Variants in DOCK1 observed in about 807,000 individuals in gnomAD.
DOCK1 encodes dedicator of cytokinesis 1.
In DOCK1, 138 loss-of-function variants were observed where a neutral mutation model predicts 262.7. The ratio of observed to expected loss-of-function variants is 0.53; its 90% CI spans 0.46 to 0.61. The LOEUF (loss-of-function observed/expected upper bound fraction) is 0.61. Among genes scored for constraint, DOCK1 ranks in the 20% least tolerant of loss-of-function variants. The pLI is 0.00. For missense variants in DOCK1, 1,908 were observed against 2,370.7 expected (o/e 0.80, Z 4.05); for synonymous variants, 866 against 867.4 (o/e 1.00, Z 0.03).
intron 1 of DOCK1, among the ~76,000 whole-genome samples, chr10:126,941,814 T>C (rs1250748599): frequency 6.6e-6 from 1 of 152,052 alleles, no homozygotes; most frequent in Non-Finnish European, 1.5e-5. Flanking sequence ...ATTGTACCTG[T>C]CTGAGTAGTG....
intron 27 of DOCK1, among the ~76,000 whole-genome samples, chr10:127,203,139 G>A (rs987353673): frequency 6.6e-5 from 10 of 152,102 alleles, no homozygotes; most frequent in Non-Finnish European, 1.2e-4. Context: ...CGTTTTCTTC[G>A]TTGAATAACA....
At chr10:127,354,429 C>T (rs1260871145) in intron 31 of DOCK1, among the ~76,000 whole-genome samples, 1 of 152,194 alleles carries the variant, frequency 6.6e-6, no homozygotes, top group Non-Finnish European at 1.5e-5. Flanking sequence ...TCCACAAGTT[C>T]CTCCACGTTC....
chr10:127,145,117 C>A lies in DOCK1; in HGVS notation c.2847+17353C>A, dbSNP rs533921602. Among the ~76,000 whole-genome samples the A allele has an allele frequency of 2.0e-5, 3 of 152,282 alleles. No individual in the cohort carries two copies. The South Asian group carries it at 6.2e-4, about 32-fold the overall frequency. On this transcript the variant is annotated intron_variant, in intron 27 of 51. Coordinates refer to ENST00000623213, the MANE Select transcript of DOCK1 (RefSeq NM_001290223.2). ...AGCTCATCCTAGGTGCCCATCTTAC[C>A]TGTGGCACTCTCTGGAGTGCACCTG...
Position 127,343,547 on chromosome 10 carries a change from G to C in DOCK1, c.3124-99G>C, listed in dbSNP as rs1287539599. 8.2e-6 allele frequency: 8 copies of C among 974,172 alleles called. 1 individual carries two copies. The East Asian group carries it at 1.9e-4, about 23-fold the overall frequency. The allele number at this position is 974,172 out of a possible 1,614,324, so 60.3% of individuals were successfully genotyped here. On this transcript the variant is annotated intron_variant, in intron 30 of 51. Transcript: ENST00000623213. ...TGTGGGTTTTTTTTTTAACTTTTCA[G>C]AAGTGTGTGCTGAGCAAATGATAAA... is the stretch of plus-strand genomic sequence containing the variant.
At chr10:127,118,657 C>G (rs137855934) in intron 25 of DOCK1, among the ~76,000 whole-genome samples, 152 of 152,318 alleles carry the variant, frequency 1.0e-3, no homozygotes, top group Non-Finnish European at 1.8e-3. Context: ...CTTTTCATTT[C>G]AAATTCCATG....
At chr10:126,931,297 A>C (rs1278398324) in intron 1 of DOCK1, among the ~76,000 whole-genome samples, 2 of 152,058 alleles carry the variant, frequency 1.3e-5, no homozygotes, top group Non-Finnish European at 2.9e-5. Context: ...AATTAAAATG[A>C]ATACCATTCC....
At chr10:126,992,449 G>A (rs1252043078) in intron 6 of DOCK1, among the ~76,000 whole-genome samples, 1 of 152,168 alleles carries the variant, frequency 6.6e-6, no homozygotes, top group Non-Finnish European at 1.5e-5. Flanking sequence ...CCAAAGCCCA[G>A]CGCTCTGCAT....
chr10:127,391,981 C>T (rs913152190), intron 38 of DOCK1, among the ~76,000 whole-genome samples: 1 of 129,156 alleles, frequency 7.7e-6, no homozygotes, highest in Non-Finnish European at 1.7e-5. Context: ...GCATGAGGCC[C>T]CTTAGAGTAG....
rs2720975 is a variant in DOCK1 at position 127,319,795 on chromosome 10, A to G, written c.3045-19211A>G. Among the ~76,000 whole-genome samples, 799 of 152,208 alleles carry G rather than the reference A, an allele frequency of 5.2e-3. 7 individuals carry two copies. Among genetic ancestry groups the G allele is most frequent in the African/African-American group, 0.018 (765 of 41,518 alleles). Reference sequence around the variant, plus strand: ...GTGTCTGCTCGGCTCTGCCTTACTAATTGTGTTTAACCTGAGCTCTGCTAC... The same window carrying G: ...GTGTCTGCTCGGCTCTGCCTTACTAGTTGTGTTTAACCTGAGCTCTGCTAC... On this transcript the variant is annotated intron_variant, in intron 29 of 51. Coordinates refer to ENST00000623213, the MANE Select transcript of DOCK1 (RefSeq NM_001290223.2).
At chr10:127,389,370 C>T (rs4503444) in intron 38 of DOCK1, among the ~76,000 whole-genome samples, 46,338 of 152,042 alleles carry the variant, frequency 0.3, 7,446 homozygotes, top group Admixed American at 0.46. Flanking sequence ...ACAAAGGCCA[C>T]GGCTGAAGGT....
chr10:126,958,571 C>G (rs965698142), intron 1 of DOCK1, among the ~76,000 whole-genome samples: 1 of 152,040 alleles, frequency 6.6e-6, no homozygotes, highest in Non-Finnish European at 1.5e-5. Context: ...ATTCTGGAGC[C>G]GTTGGTGGGG....
chr10:127,361,835 C>T (rs577209402), intron 32 of DOCK1, among the ~76,000 whole-genome samples: 6 of 152,246 alleles, frequency 3.9e-5, no homozygotes, highest in East Asian at 3.9e-4. Context: ...GCTTATACCG[C>T]GCGGATCTTT....
At position 127,175,331 on chromosome 10, in the gene DOCK1, C is replaced by G; in HGVS notation, c.2847+47567C>G. The G allele has an allele frequency of 6.2e-7, 1 of 1,614,138 alleles. No homozygotes were observed. The highest frequency in any genetic ancestry group is 8.5e-7 in the Non-Finnish European group (1 of 1,180,030). The stretch of plus-strand genomic sequence containing the variant: ...TCTGAAGTTGTGCTTTGAGGTCGAC[C>G]ACTTCCGTATGAGGCACGATTCGTT... On this transcript the variant is annotated intron_variant, in intron 27 of 51. Transcript: ENST00000623213. The surrounding 1 kb of genome is among the most constrained non-coding windows in gnomAD (Gnocchi z 6.3).
chr10:126,989,130 A>G (rs773627875), intron 5 of DOCK1, among the ~76,000 whole-genome samples: 3 of 151,890 alleles, frequency 2.0e-5, no homozygotes, highest in Admixed American at 6.6e-5. Context: ...GCAAAATAGT[A>G]AGGATTTTAG....
intron 29 of DOCK1, among the ~76,000 whole-genome samples, chr10:127,321,291 C>T (rs2062513893): frequency 7.1e-6 from 1 of 141,470 alleles, no homozygotes; most frequent in Non-Finnish European, 1.5e-5. Context: ...CCTCCCCTCC[C>T]CTCTCCTCTC....
At chr10:126,943,370 T>G (rs2035163476) in intron 1 of DOCK1, among the ~76,000 whole-genome samples, 1 of 152,218 alleles carries the variant, frequency 6.6e-6, no homozygotes. Context: ...ACCAAACTGC[T>G]TGGGATCAGA....
chr10:127,029,242 C>T (rs1025342743), intron 16 of DOCK1, among the ~76,000 whole-genome samples: 1 of 152,190 alleles, frequency 6.6e-6, no homozygotes, highest in East Asian at 1.9e-4. Context: ...GCCTGGATGT[C>T]GGCCGCTGAC....
In DOCK1 at chr10:127,334,213, G is replaced by A. The variant is rs183168462; in HGVS notation, c.3045-4793G>A. ...TGAACAACGTTCCGAAGGTCAGGTAGCTCCACGTTTAAATGGACATGAAGC... is the reference window on the plus strand; with the variant it reads ...TGAACAACGTTCCGAAGGTCAGGTAACTCCACGTTTAAATGGACATGAAGC... On this transcript the variant is annotated intron_variant, in intron 29 of 51. Coordinates refer to ENST00000623213, the MANE Select transcript of DOCK1 (RefSeq NM_001290223.2). Among the ~76,000 whole-genome samples, 226 of 152,234 alleles carry A rather than the reference G, an allele frequency of 1.5e-3. 1 individual carries two copies. The highest frequency in any genetic ancestry group is 5.2e-3 in the South Asian group (25 of 4,816).
intron 35 of DOCK1, among the ~76,000 whole-genome samples, chr10:127,378,902 CATT>C (rs2065674420): frequency 1.3e-5 from 2 of 152,200 alleles, no homozygotes; most frequent in African/African-American, 4.8e-5. Context: ...AATCTTGGTG[CATT>C]TTTCTAAATG....
Sources: allele counts gnomAD v4.1 joint callset (sites outside exome capture counted in the v4.1 genomes callset), GRCh38; gene constraint gnomAD v4.1.1; non-coding constraint Gnocchi (gnomAD v3.1); transcripts MANE v1.5; gene names NCBI Gene and HGNC (gene_info 2026-07-23, HGNC 2026-07-21).